Variants in SNTG1 observed in about 807,000 individuals in gnomAD.
SNTG1 encodes syntrophin gamma 1.
In SNTG1, 39 loss-of-function variants were observed where a neutral mutation model predicts 74.7. That is an observed-to-expected ratio of 0.52 (90% CI 0.40 to 0.68). The LOEUF (loss-of-function observed/expected upper bound fraction) is 0.68. Among genes scored for constraint, SNTG1 ranks in the 30% least tolerant of loss-of-function variants. The pLI is 0.00. For missense variants in SNTG1, 685 were observed against 609.5 expected, an observed-to-expected ratio of 1.12 and a Z score of -1.30; for synonymous variants, 254 against 217.1, an observed-to-expected ratio of 1.17 and a Z score of -1.49.
At chr8:50,475,443 G>A (rs990943906) in intron 8 of SNTG1, among the ~76,000 whole-genome samples, 1 of 152,106 alleles carries the variant, frequency 6.6e-6, no homozygotes, top group African/African-American at 2.4e-5. Context: ...ACAGATTCCA[G>A]TTATCCTCCT....
At chr8:50,695,084 G>C (rs1240858060) in intron 15 of SNTG1, among the ~76,000 whole-genome samples, 1 of 151,732 alleles carries the variant, frequency 6.6e-6, no homozygotes, top group Non-Finnish European at 1.5e-5. Context: ...GTCCAAGCCA[G>C]AGAAATTAGG....
At chr8:50,075,820 A>G (rs1274537520) in intron 1 of SNTG1, among the ~76,000 whole-genome samples, 1 of 152,104 alleles carries the variant, frequency 6.6e-6, no homozygotes, top group Non-Finnish European at 1.5e-5. Flanking sequence ...AACACTCAAC[A>G]CGAAGGTCTG....
chr8:49,936,293 A>G (rs1808077057), intron 1 of SNTG1, among the ~76,000 whole-genome samples: 1 of 152,078 alleles, frequency 6.6e-6, no homozygotes, highest in Non-Finnish European at 1.5e-5. Flanking sequence ...CTTTTTTTTA[A>G]TGTGGCTCCT....
At chr8:50,205,998 G>A (rs7836814) in intron 2 of SNTG1, among the ~76,000 whole-genome samples, 64,933 of 151,534 alleles carry the variant, frequency 0.43, 17,574 homozygotes, top group African/African-American at 0.78. Context: ...AAGTCAGGTA[G>A]TGTGATGCCT....
At position 50,542,113 on chromosome 8, in the gene SNTG1, CAT is replaced by C. The variant is rs147663122; in HGVS notation, c.680+5316_680+5317del. ...TATGAATGTAGTATATGTATATATA[CAT>C]ATATATATATGAATGTAGTATATGT... is the stretch of plus-strand genomic sequence containing the variant. On this transcript the variant is annotated intron_variant, in intron 11 of 18. Transcript: ENST00000642720. Among the ~76,000 whole-genome samples the C allele has an allele frequency of 2.8e-3, 266 of 96,068 alleles. 1 individual carries two copies. Among genetic ancestry groups the C allele is most frequent in the Non-Finnish European group, 5.0e-3 (244 of 49,184 alleles). The allele number at this position is 96,068 out of a possible 152,430, so 63.0% of individuals were successfully genotyped here.
intron 2 of SNTG1, among the ~76,000 whole-genome samples, chr8:50,301,902 G>A (rs1192090264): frequency 2.0e-5 from 3 of 151,440 alleles, no homozygotes; most frequent in African/African-American, 7.3e-5. Context: ...TGTTGCCCAG[G>A]CTGGAGTGCA....
intron 2 of SNTG1, among the ~76,000 whole-genome samples, chr8:50,308,561 A>G (rs552285035): frequency 2.0e-5 from 3 of 152,272 alleles, no homozygotes; most frequent in South Asian, 4.1e-4. Flanking sequence ...AAAAATCTAC[A>G]TTGTCACCAC....
intron 8 of SNTG1, among the ~76,000 whole-genome samples, chr8:50,472,110 T>C (rs879053443): frequency 6.6e-6 from 1 of 152,130 alleles, no homozygotes; most frequent in Admixed American, 6.6e-5. Context: ...TATTAATACA[T>C]CAGAACTACC....
intron 2 of SNTG1, among the ~76,000 whole-genome samples, chr8:50,294,399 A>G (rs1028112736): frequency 3.3e-5 from 5 of 152,186 alleles, no homozygotes; most frequent in African/African-American, 1.2e-4. Flanking sequence ...GGACATGTGT[A>G]TATATTAAGA....
chr8:49,963,850 G>A (rs569721424), intron 1 of SNTG1, among the ~76,000 whole-genome samples: 2 of 152,306 alleles, frequency 1.3e-5, no homozygotes, highest in South Asian at 2.1e-4. Flanking sequence ...ATGATAAAAC[G>A]TGTTTGTAAA....
chr8:50,578,992 A>G (rs2094593059), intron 12 of SNTG1, among the ~76,000 whole-genome samples: 1 of 152,142 alleles, frequency 6.6e-6, no homozygotes, highest in Non-Finnish European at 1.5e-5. Context: ...AGTTTAAAGG[A>G]CTCAGAAGAA....
chr8:50,029,450 CTAACTG>C (rs1817558143), intron 1 of SNTG1, among the ~76,000 whole-genome samples: 1 of 152,090 alleles, frequency 6.6e-6, no homozygotes, highest in Non-Finnish European at 1.5e-5. Flanking sequence ...CTCATTCTAT[CTAACTG>C]TATTTTTGCA....
intron 1 of SNTG1, among the ~76,000 whole-genome samples, chr8:50,153,818 G>T (rs542807201): frequency 1.3e-5 from 2 of 152,304 alleles, no homozygotes; most frequent in South Asian, 2.1e-4. Context: ...CCCCCTACTG[G>T]GGGGTGCCTC....
intron 16 of SNTG1, among the ~76,000 whole-genome samples, chr8:50,707,250 T>G (rs1165910128): frequency 1.3e-5 from 2 of 152,128 alleles, no homozygotes; most frequent in Non-Finnish European, 2.9e-5. Context: ...GACATTTTCT[T>G]GTTTAAATGA....
At chr8:50,762,665 A>G (rs118105429) in intron 18 of SNTG1, 7,516 of 459,368 alleles carry the variant, frequency 0.016, 96 homozygotes, top group Non-Finnish European at 0.025. Flanking sequence ...AGAGAATCCA[A>G]CAGCCTGACC....
intron 13 of SNTG1, among the ~76,000 whole-genome samples, chr8:50,623,873 AT>A (rs2094939569): frequency 6.6e-6 from 1 of 151,192 alleles, no homozygotes; most frequent in Non-Finnish European, 1.5e-5. Context: ...TTTTGTTTTT[AT>A]TATCTCTTTT....
intron 13 of SNTG1, among the ~76,000 whole-genome samples, chr8:50,642,080 C>T (rs1290035837): frequency 6.6e-6 from 1 of 152,186 alleles, no homozygotes; most frequent in Non-Finnish European, 1.5e-5. Context: ...CTGGTTTTAT[C>T]TCCAAAGCAG....
intron 15 of SNTG1, among the ~76,000 whole-genome samples, chr8:50,697,963 G>A (rs1293623976): frequency 6.6e-6 from 1 of 152,136 alleles, no homozygotes; most frequent in East Asian, 1.9e-4. Flanking sequence ...ATAAGTTAGG[G>A]AGAAATTCCT....
chr8:50,522,236 A>G (rs1386920793), intron 9 of SNTG1, among the ~76,000 whole-genome samples: 1 of 152,112 alleles, frequency 6.6e-6, no homozygotes, highest in Non-Finnish European at 1.5e-5. Flanking sequence ...CTTCATCAGT[A>G]GTCTTGGGTG....
Sources: allele counts gnomAD v4.1 joint callset (sites outside exome capture counted in the v4.1 genomes callset), GRCh38; gene constraint gnomAD v4.1.1; transcripts MANE v1.5; gene names NCBI Gene and HGNC (gene_info 2026-07-23, HGNC 2026-07-21).